Variants in MCMDC2 observed in about 807,000 individuals in gnomAD.
MCMDC2 encodes minichromosome maintenance domain containing 2.
MCMDC2 carries 54 observed loss-of-function variants against 75.8 expected under a neutral mutation model. The observed-to-expected ratio is 0.71, with a 90% confidence interval of 0.57 to 0.89. MCMDC2 has a LOEUF of 0.89. MCMDC2 is among the 40% of genes least tolerant of loss of function. The pLI is 0.00. For synonymous variants in MCMDC2, 249 were observed against 274.6 expected, an observed-to-expected ratio of 0.91 and a Z score of 0.92; for missense variants, 656 against 780.4, an observed-to-expected ratio of 0.84 and a Z score of 1.90.
rs185800101 is a variant in MCMDC2, at chr8:66,877,444, T to G, written c.381T>G (p.Phe127Leu). ...CACTTGATTATACATCTCAGAGATTTTATATGATGCAAGGAATTGTGATTG... is the reference window on the plus strand; with the variant it reads ...CACTTGATTATACATCTCAGAGATTGTATATGATGCAAGGAATTGTGATTG... The part of the protein sequence containing the change: ...EFPLDYTSQR[F>L]YMMQGIVIAM... Residue 127 changes from phenylalanine (F) to leucine (L), a missense_variant, in exon 5 of 15, where the codon TTT becomes TTG. Physicochemically the swap from Phe to Leu is conservative, Grantham distance 22. Coordinates refer to ENST00000422365, the MANE Select transcript of MCMDC2 (RefSeq NM_173518.5). The G allele has an allele frequency of 1.2e-6, 2 of 1,613,132 alleles. No homozygotes were observed. Among genetic ancestry groups the G allele is most frequent in the Admixed American group, 3.3e-5 (2 of 59,852 alleles).
rs927205043 is a variant in MCMDC2 at position 66,921,880 on chromosome 8, G to A, written c.*2711G>A. On this transcript the variant is annotated 3_prime_UTR_variant, in exon 15 of 15. Transcript: ENST00000422365. Reference sequence around the variant, plus strand: ...ATTATTGACAAGATTATAATCTTTCGAATATGTTCAAAACAGGTCTGACTA... The same window carrying A: ...ATTATTGACAAGATTATAATCTTTCAAATATGTTCAAAACAGGTCTGACTA... 6.6e-6 allele frequency: 1 copy of A among 152,138 alleles called. No homozygotes were observed. The highest frequency in any genetic ancestry group is 1.5e-5 in the Non-Finnish European group (1 of 68,042). The allele number at this position is 152,138 out of a possible 1,614,324, so 9.4% of individuals were successfully genotyped here.
intron 8 of MCMDC2, among the ~76,000 whole-genome samples, chr8:66,883,496 A>C (rs967815722): frequency 2.0e-5 from 3 of 152,094 alleles, no homozygotes; most frequent in African/African-American, 4.8e-5. Context: ...ATTTAATATC[A>C]TTCTAAGAAT....
At chr8:66,892,553 A>G (rs1812159275) in intron 10 of MCMDC2, among the ~76,000 whole-genome samples, 1 of 152,194 alleles carries the variant, frequency 6.6e-6, no homozygotes, top group Non-Finnish European at 1.5e-5. Flanking sequence ...GGGTAGTCCC[A>G]ACCTGTGTTT....
At chr8:66,903,608 T>A (rs1563385865) in intron 13 of MCMDC2, among the ~76,000 whole-genome samples, 1 of 152,220 alleles carries the variant, frequency 6.6e-6, no homozygotes, top group Non-Finnish European at 1.5e-5. Flanking sequence ...CTCTACTTTT[T>A]CGCATTGTAG....
chr8:66,915,517 T>C (rs1032596514), intron 14 of MCMDC2, among the ~76,000 whole-genome samples: 5 of 147,532 alleles, frequency 3.4e-5, no homozygotes, highest in Admixed American at 6.8e-5. Context: ...TATATATTTA[T>C]ATATTTATAT....
chr8:66,906,127 T>C (rs1273169303), intron 14 of MCMDC2, among the ~76,000 whole-genome samples: 3 of 152,192 alleles, frequency 2.0e-5, no homozygotes, highest in Non-Finnish European at 4.4e-5. Flanking sequence ...ATGGCACTTA[T>C]TATGCTTTTG....
At chr8:66,889,914 GT>G (rs1426144555) in intron 9 of MCMDC2, among the ~76,000 whole-genome samples, 2 of 152,200 alleles carry the variant, frequency 1.3e-5, no homozygotes, top group African/African-American at 4.8e-5. Flanking sequence ...CAGAGTGATA[GT>G]TTTGATGGGA....
Position 66,915,750 on chromosome 8 carries a change from G to T in MCMDC2, c.1880-3253G>T, listed in dbSNP as rs139350571. On this transcript the variant is annotated intron_variant, in intron 14 of 14. Transcript: ENST00000422365. ...GAGGTGGTACTCAAAGCCAAGGAAT[G>T]GATGAAATCACCTAGATGGAGACTA... Among the ~76,000 whole-genome samples, 1,127 of 152,016 alleles carry T rather than the reference G, an allele frequency of 7.4e-3. 9 individuals carry two copies. The highest frequency in any genetic ancestry group is 0.024 in the Middle Eastern group (7 of 292).
intron 9 of MCMDC2, 110 bp downstream of exon 9, chr8:66,884,104 ATAAG>A (rs1811721554): frequency 7.2e-6 from 5 of 691,070 alleles, no homozygotes; most frequent in Admixed American, 2.6e-5. Context: ...CTGAGCCAGT[ATAAG>A]TATTTAAATC....
intron 3 of MCMDC2, 26 bp from the exon 4 acceptor site, chr8:66,874,501 G>C (rs767295405): frequency 6.2e-7 from 1 of 1,612,510 alleles, no homozygotes; most frequent in Non-Finnish European, 8.5e-7. Context: ...GGAATTTTTG[G>C]TAACTTTTTT....
rs191118594 is a variant in MCMDC2, at chr8:66,894,443, T to C, written c.1280-1727T>C. On this transcript the variant is annotated intron_variant, in intron 10 of 14. Transcript: ENST00000422365. ...CCATAGTTCCTTGTCTTTTCAGTCC[T>C]TCCTCACTTATCAGTAAGCTGAAGG... 6.6e-5 allele frequency among the ~76,000 whole-genome samples: 10 copies of C among 152,372 alleles called. No homozygotes were observed. The East Asian group carries it at 1.7e-3, about 26-fold the overall frequency.
chr8:66,890,905 C>T lies in MCMDC2; in HGVS notation c.1114C>T (p.Arg372Cys), dbSNP rs769985194. The T allele has an allele frequency of 5.0e-6, 8 of 1,612,932 alleles. No individual in the cohort carries two copies. Among genetic ancestry groups the T allele is most frequent in the African/African-American group, 4.0e-5 (3 of 74,816 alleles). ...FSINLVPRGI[R>C]HLVSTEIFPT... is the part of the protein sequence containing the mutation. ...CATAAACCTTGTCCCCCGTGGTATA[C>T]GTCATCTAGTCTCTACTGAAATTTT... Residue 372 changes from arginine to cysteine, a missense_variant, in exon 10 of 15, where the codon CGT (arginine) becomes TGT (cysteine). By Grantham distance (180) the Arg-to-Cys change is radical. Coordinates refer to ENST00000422365, the MANE Select transcript of MCMDC2 (RefSeq NM_173518.5).
chr8:66,884,226 T>C (rs1811727289), intron 9 of MCMDC2: 2 of 536,236 alleles, frequency 3.7e-6, no homozygotes, highest in Admixed American at 3.4e-5. Flanking sequence ...TGTAAATAAA[T>C]ACATCCTTCC....
At chr8:66,902,692 CAAAAA>C (rs530805303) in intron 13 of MCMDC2, among the ~76,000 whole-genome samples, 12 of 57,230 alleles carry the variant, frequency 2.1e-4, no homozygotes, top group African/African-American at 7.5e-4. Context: ...GATTCTGTCT[CAAAAA>C]AAAAAAAAAA....
intron 7 of MCMDC2, among the ~76,000 whole-genome samples, chr8:66,879,326 C>T (rs896829316): frequency 6.6e-6 from 1 of 152,092 alleles, no homozygotes; most frequent in African/African-American, 2.4e-5. Context: ...GGCGCGGTGG[C>T]TCACACCTGT....
Position 66,878,846 on chromosome 8 carries a change from G to T in MCMDC2, c.636G>T (p.Lys212Asn). 1 of 1,607,710 alleles carries T rather than the reference G, an allele frequency of 6.2e-7. No homozygotes were observed. Among genetic ancestry groups the T allele is most frequent in the African/African-American group, 1.3e-5 (1 of 74,670 alleles). ...DKQIVEIIAT[K>N]ALRAFQGYSN... Reference sequence around the variant, plus strand: ...AAATAGTTGAAATAATTGCCACAAAGGCACTTCGTGCTTTTCAAGGATATT... The same window carrying T: ...AAATAGTTGAAATAATTGCCACAAATGCACTTCGTGCTTTTCAAGGATATT... Residue 212 changes from lysine to asparagine, a missense_variant, in exon 7 of 15, where the codon AAG becomes AAT. By Grantham distance (94) the Lys-to-Asn change is moderately conservative (BLOSUM62 0). Transcript: ENST00000422365.
intron 9 of MCMDC2, among the ~76,000 whole-genome samples, chr8:66,886,121 A>G (rs138514796): frequency 2.2e-3 from 337 of 150,636 alleles, no homozygotes; most frequent in African/African-American, 7.4e-3. Flanking sequence ...GTAAATACCT[A>G]GGAGAAGAAT....
intron 9 of MCMDC2, among the ~76,000 whole-genome samples, chr8:66,890,122 A>G (rs1210381898): frequency 1.3e-5 from 2 of 152,252 alleles, no homozygotes; most frequent in East Asian, 3.9e-4. Context: ...GCCAGAGTGC[A>G]GTGAAGTGAT....
chr8:66,884,048 C>A, intron 9 of MCMDC2, 54 bp downstream of exon 9: 1 of 1,083,008 alleles, frequency 9.2e-7, no homozygotes, highest in Non-Finnish European at 1.4e-6. Flanking sequence ...GATTTGCATA[C>A]ATCCTTTCCA....
Sources: gnomAD v4.1 joint callset for allele counts (sites outside exome capture counted in the v4.1 genomes callset) on GRCh38, gnomAD v4.1.1 for gene constraint, MANE v1.5 for transcripts, NCBI Gene and HGNC (gene_info 2026-07-23, HGNC 2026-07-21) for gene names.